Variants in SSX2IP observed in about 807,000 individuals in gnomAD.
SSX2IP encodes the protein afadin- and alpha-actinin-binding protein.
In SSX2IP, 55 loss-of-function variants were observed where a neutral mutation model predicts 84.9. The ratio of observed to expected loss-of-function variants is 0.65; its 90% CI spans 0.52 to 0.81. SSX2IP has a LOEUF of 0.81. Ranked by LOEUF, SSX2IP falls within the 30% of genes least tolerant of loss-of-function variation. The pLI is 0.00. For missense variants in SSX2IP, 664 were observed against 705.2 expected, an observed-to-expected ratio of 0.94 and a Z score of 0.66; for synonymous variants, 239 against 234.7, an observed-to-expected ratio of 1.02 and a Z score of -0.17.
At position 84,644,770 on chromosome 1, in the gene SSX2IP, A is replaced by C. The variant is rs537199035; in HGVS notation, c.*2663T>G. 6.6e-6 allele frequency: 1 copy of C among 152,224 alleles called. No individual in the cohort carries two copies. The highest frequency in any genetic ancestry group is 1.5e-5 in the Non-Finnish European group (1 of 68,030). The allele number at this position is 152,224 out of a possible 1,614,324, so 9.4% of individuals were successfully genotyped here. On this transcript the variant is annotated 3_prime_UTR_variant, in exon 14 of 14. Coordinates refer to ENST00000342203, the MANE Select transcript of SSX2IP (RefSeq NM_001166293.2). ...AACACCATATTATCACAAGTCTATG[A>C]ACAATTCTGGTTAGCTAAGGTAGGC...
At chr1:84,690,171 A>G (rs1392661173) in intron 1 of SSX2IP, 200 bp downstream of exon 1, 1 of 152,200 alleles carries the variant, frequency 6.6e-6, no homozygotes, top group African/African-American at 2.4e-5. Flanking sequence ...CTCCTCCTCC[A>G]GGAGCGGCCC....
chr1:84,685,271 G>A (rs1161317964), intron 1 of SSX2IP, among the ~76,000 whole-genome samples: 2 of 152,192 alleles, frequency 1.3e-5, no homozygotes, highest in African/African-American at 2.4e-5. Context: ...CAAAGCCAAT[G>A]ACCCTCTTCC....
intron 1 of SSX2IP, among the ~76,000 whole-genome samples, chr1:84,676,867 C>A (rs6670434): frequency 9.9e-5 from 15 of 151,798 alleles, no homozygotes; most frequent in African/African-American, 3.6e-4. Flanking sequence ...GGATTACAGG[C>A]GGATGCCTAG....
upstream of SSX2IP, chr1:84,690,517 C>G (rs549206729): frequency 6.6e-6 from 1 of 152,046 alleles, no homozygotes; most frequent in Non-Finnish European, 1.5e-5. Flanking sequence ...CCCTTGCAGC[C>G]GCCTCCCGGC....
rs144726483 is a variant in SSX2IP at position 84,647,003 on chromosome 1, T to TA, written c.*429dup. ...TGAAAGAGGTAATTTCAAACCACAC[T>TA]AAACATAATAAATATAGAACTCGCT... On this transcript the variant is annotated 3_prime_UTR_variant, in exon 14 of 14. Coordinates refer to ENST00000342203, the MANE Select transcript of SSX2IP (RefSeq NM_001166293.2). 37 of 153,154 alleles carry TA rather than the reference T, an allele frequency of 2.4e-4. No homozygotes were observed. In the East Asian group the frequency reaches 5.8e-3, roughly 24 times the overall value. 9.5% of individuals were successfully genotyped at this position (153,154 alleles called of 1,614,324 possible).
chr1:84,687,140 G>A (rs540418300), intron 1 of SSX2IP, among the ~76,000 whole-genome samples: 2 of 152,252 alleles, frequency 1.3e-5, no homozygotes, highest in Non-Finnish European at 2.9e-5. Flanking sequence ...TACGAAGCAG[G>A]TATTGTTATT....
At position 84,647,251 on chromosome 1, in the gene SSX2IP, G is replaced by T; in HGVS notation, c.*182C>A. On this transcript the variant is annotated 3_prime_UTR_variant, in exon 14 of 14. Coordinates refer to ENST00000342203, the MANE Select transcript of SSX2IP (RefSeq NM_001166293.2). ...CTGTTACTAAAAATACATATCCAAA[G>T]CTTTTATATCCTTTTAAATAGATTT... 1 of 446,766 alleles carries T rather than the reference G, an allele frequency of 2.2e-6. No homozygotes were observed. Among genetic ancestry groups the T allele is most frequent in the Non-Finnish European group, 3.8e-6 (1 of 260,476 alleles). The allele number at this position is 446,766 out of a possible 1,614,324, so 27.7% of individuals were successfully genotyped here. A position where few individuals can be genotyped will look rare whatever the true frequency, so the allele number is the denominator to read the frequency against.
At chr1:84,654,276 T>C (rs574808299) in intron 11 of SSX2IP, among the ~76,000 whole-genome samples, 14 of 152,162 alleles carry the variant, frequency 9.2e-5, no homozygotes, top group African/African-American at 1.9e-4. Context: ...CAGAGGGAGA[T>C]AGAAAACAAA....
At chr1:84,670,473 A>G (rs975754469) in intron 3 of SSX2IP, 173 bp downstream of exon 3, 1 of 419,084 alleles carries the variant, frequency 2.4e-6, no homozygotes, top group East Asian at 4.0e-5. Flanking sequence ...CACACAAAAA[A>G]GTTAGACTTG....
chr1:84,687,623 C>T (rs72954003), intron 1 of SSX2IP, among the ~76,000 whole-genome samples: 31,022 of 152,148 alleles, frequency 0.2, 3,451 homozygotes, highest in African/African-American at 0.28. Flanking sequence ...TACTTCAAGT[C>T]TAACTGCTGT....
rs780114415 is a variant in SSX2IP at position 84,658,330 on chromosome 1, G to C, written c.1066C>G (p.Leu356Val). 5.0e-6 allele frequency: 8 copies of C among 1,613,890 alleles called. No homozygotes were observed. Among genetic ancestry groups the C allele is most frequent in the African/African-American group, 1.3e-5 (1 of 74,902 alleles). The part of the protein sequence containing the change: ...WRILKSHVEK[L>V]DNQVSKVHLE... ...AAGCAGTGGTTACCTTGGTTATCAA[G>C]CTTTTCTACATGACTTTTCAAAATT... The change falls in exon 9 of 14, where the codon CTT (leucine) becomes GTT (valine). Residue 356 changes from leucine to valine, a missense_variant. Coordinates refer to ENST00000342203, the MANE Select transcript of SSX2IP (RefSeq NM_001166293.2).
chr1:84,683,401 T>C (rs1260168380), intron 1 of SSX2IP, among the ~76,000 whole-genome samples: 1 of 152,164 alleles, frequency 6.6e-6, no homozygotes, highest in East Asian at 1.9e-4. Context: ...AGACAAAATA[T>C]TAAATTCTGG....
chr1:84,681,399 A>G (rs1655060727), intron 1 of SSX2IP, among the ~76,000 whole-genome samples: 1 of 152,234 alleles, frequency 6.6e-6, no homozygotes, highest in Admixed American at 6.5e-5. Context: ...ATAGCACAAA[A>G]AAAGAAGTTA....
In SSX2IP at chr1:84,646,028, G is replaced by A. The variant is rs1649425820; in HGVS notation, c.*1405C>T. On this transcript the variant is annotated 3_prime_UTR_variant, in exon 14 of 14. Coordinates refer to ENST00000342203, the MANE Select transcript of SSX2IP (RefSeq NM_001166293.2). Reference sequence around the variant, plus strand: ...TATAGTGAATGGACAACACAAATAGGTGGGTTTTTTTTGTTTTTTAATAAT... The same window carrying A: ...TATAGTGAATGGACAACACAAATAGATGGGTTTTTTTTGTTTTTTAATAAT... The A allele has an allele frequency of 6.6e-6, 1 of 152,154 alleles. No individual in the cohort carries two copies. Among genetic ancestry groups the A allele is most frequent in the Non-Finnish European group, 1.5e-5 (1 of 68,018 alleles). 9.4% of individuals were successfully genotyped at this position (152,154 alleles called of 1,614,324 possible).
chr1:84,672,665 T>C (rs566621543), intron 1 of SSX2IP, among the ~76,000 whole-genome samples: 2 of 152,294 alleles, frequency 1.3e-5, no homozygotes, highest in South Asian at 2.1e-4. Flanking sequence ...GGACTGTGGA[T>C]CAAGAGTTCA....
intron 10 of SSX2IP, 40 bp from the exon 11 acceptor site, chr1:84,656,045 T>C (rs1304248274): frequency 1.3e-6 from 2 of 1,554,942 alleles, no homozygotes; most frequent in South Asian, 1.2e-5. Context: ...TGAGGGACCT[T>C]GCGACACTCC....
At chr1:84,668,817 A>G (rs1653111661) in intron 4 of SSX2IP, among the ~76,000 whole-genome samples, 1 of 152,110 alleles carries the variant, frequency 6.6e-6, no homozygotes, top group Non-Finnish European at 1.5e-5. Flanking sequence ...AAAAATAAGG[A>G]AAAGTAAACG....
At chr1:84,664,875 A>C (rs1263687521) in intron 5 of SSX2IP, among the ~76,000 whole-genome samples, 1 of 152,180 alleles carries the variant, frequency 6.6e-6, no homozygotes, top group African/African-American at 2.4e-5. Context: ...AATTCATCTG[A>C]TCATTTTTAG....
intron 1 of SSX2IP, among the ~76,000 whole-genome samples, chr1:84,679,929 T>C (rs769609080): frequency 5.9e-5 from 9 of 152,278 alleles, no homozygotes; most frequent in Middle Eastern, 3.4e-3. Context: ...CAACCCCACA[T>C]TGGACTGCAG....
Sources: allele counts gnomAD v4.1 joint callset (sites outside exome capture counted in the v4.1 genomes callset), GRCh38; gene constraint gnomAD v4.1.1; transcripts MANE v1.5; gene names NCBI Gene and HGNC (gene_info 2026-07-23, HGNC 2026-07-21).